Variants in CTCFL observed in about 807,000 individuals in gnomAD.
The protein encoded by CTCFL is transcriptional repressor CTCFL.
CTCFL carries 36 observed loss-of-function variants against 67.4 expected under a neutral mutation model. That is an observed-to-expected ratio of 0.53 (90% CI 0.41 to 0.71). The LOEUF is 0.71. CTCFL is among the 30% of genes least tolerant of loss of function. CTCFL has a pLI of 0.00. For missense variants in CTCFL, 786 were observed against 835.2 expected, an observed-to-expected ratio of 0.94 and a Z score of 0.73; for synonymous variants, 324 against 302.3, an observed-to-expected ratio of 1.07 and a Z score of -0.75.
rs141206026 is a variant in CTCFL at position 57,498,637 on chromosome 20, G to A, written c.1905C>T (p.Val635=). The stretch of plus-strand genomic sequence containing the variant: ...CTCTGGCTGTGGTTTCTCTGCAGGC[G>A]ACAGGAAACATCTCTCCTGGGAACT... ...GEQFPGEMFP[V]ACRETTARVK... is the part of the protein sequence containing the mutation. The change falls in exon 11 of 11, where the codon GTC becomes GTT. Residue 635 remains valine, a synonymous_variant. Coordinates refer to ENST00000243914, the MANE Select transcript of CTCFL (RefSeq NM_001386993.1). 18 of 1,614,092 alleles carry A rather than the reference G, an allele frequency of 1.1e-5. No individual in the cohort carries two copies. The East Asian group carries it at 2.9e-4, about 26-fold the overall frequency.
rs1050692286 is a variant in CTCFL, at chr20:57,498,490, C to T, written c.*60G>A. On this transcript the variant is annotated 3_prime_UTR_variant, in exon 11 of 11. Coordinates refer to ENST00000243914, the MANE Select transcript of CTCFL (RefSeq NM_001386993.1). ...TGAGGAGCATTTCACACCTTAAATG[C>T]TAAAAACTTCTAACTTGCTTTAGGA... 1.5e-5 allele frequency: 23 copies of T among 1,567,280 alleles called. 1 individual carries two copies. Among genetic ancestry groups the T allele is most frequent in the Non-Finnish European group, 1.9e-5 (22 of 1,153,596 alleles).
chr20:57,506,922 A>G, intron 9 of CTCFL: 1 of 985,434 alleles, frequency 1.0e-6, no homozygotes, highest in Non-Finnish European at 1.2e-6. Context: ...TTCCAGAACT[A>G]TCCCACTGTG....
At chr20:57,522,979 A>C in intron 3 of CTCFL, 89 bp downstream of exon 3, 1 of 1,010,166 alleles carries the variant, frequency 9.9e-7, no homozygotes, top group Non-Finnish European at 1.5e-6. Flanking sequence ...AAAGTCAACC[A>C]CTTAAAACTT....
intron 8 of CTCFL, among the ~76,000 whole-genome samples, chr20:57,510,687 C>T (rs915449955): frequency 1.3e-5 from 2 of 152,076 alleles, no homozygotes; most frequent in Non-Finnish European, 2.9e-5. Flanking sequence ...CATGGTGAAA[C>T]CCCATCTCTA....
At chr20:57,510,359 T>C (rs1010812654) in intron 8 of CTCFL, among the ~76,000 whole-genome samples, 2 of 152,220 alleles carry the variant, frequency 1.3e-5, no homozygotes, top group Non-Finnish European at 2.9e-5. Flanking sequence ...TATTAACTCA[T>C]TTAAAAATAA....
intron 8 of CTCFL, among the ~76,000 whole-genome samples, chr20:57,511,759 T>C (rs906919462): frequency 1.4e-4 from 22 of 152,014 alleles, no homozygotes; most frequent in African/African-American, 4.1e-4. Flanking sequence ...GCCCAACTAA[T>C]TTTTGTATTT....
chr20:57,519,036 A>C, intron 4 of CTCFL, 145 bp from the exon 5 acceptor site: 1 of 1,182,774 alleles, frequency 8.5e-7, no homozygotes. Context: ...CCACAGATGC[A>C]TGTGAGAAAA....
chr20:57,512,869 C>A, intron 7 of CTCFL, 117 bp from the exon 8 acceptor site: 1 of 925,942 alleles, frequency 1.1e-6, no homozygotes, highest in Non-Finnish European at 1.6e-6. Context: ...TAGTTCCTTC[C>A]TGGGCAGGGC....
intron 9 of CTCFL, among the ~76,000 whole-genome samples, chr20:57,508,116 T>C (rs1431122047): frequency 1.3e-5 from 2 of 152,020 alleles, no homozygotes; most frequent in Non-Finnish European, 2.9e-5. Context: ...CTAATTTTTT[T>C]GGAGGGATGG....
intron 1 of CTCFL, 167 bp from the exon 2 acceptor site, chr20:57,524,383 T>C (rs1366369651): frequency 1.4e-6 from 2 of 1,440,376 alleles, no homozygotes; most frequent in Non-Finnish European, 1.8e-6. Context: ...GGCTTGGGTC[T>C]AGGAGGGGGT....
downstream of CTCFL, chr20:57,496,093 GA>G (rs1458179470): frequency 3.5e-5 from 14 of 400,722 alleles, no homozygotes; most frequent in Non-Finnish European, 6.2e-5. Context: ...CCCAGTGTTG[GA>G]GGTGGGGCCT....
chr20:57,514,277 T>C (rs970277494), intron 7 of CTCFL, among the ~76,000 whole-genome samples: 1 of 152,218 alleles, frequency 6.6e-6, no homozygotes, highest in African/African-American at 2.4e-5. Flanking sequence ...GGTTACTCTA[T>C]GTCTCTGATC....
In CTCFL at chr20:57,498,559, C is replaced by T; in HGVS notation, c.1983G>A (p.Met661Ile). ...GVTCEMLLNT[M>I]DK ...GCAACCCGAATCCCTCTCACTTATC[C>T]ATCGTGTTGAGGAGCATTTCACAGG... Residue 661 changes from methionine to isoleucine, a missense_variant, in exon 11 of 11, where the codon ATG becomes ATA. By Grantham distance (10) the Met-to-Ile change is conservative. Transcript: ENST00000243914. The T allele has an allele frequency of 6.2e-7, 1 of 1,612,782 alleles. No individual in the cohort carries two copies. Among genetic ancestry groups the T allele is most frequent in the Non-Finnish European group, 8.5e-7 (1 of 1,179,452 alleles).
chr20:57,519,834 A>G (rs935815646), intron 3 of CTCFL, among the ~76,000 whole-genome samples: 1 of 152,062 alleles, frequency 6.6e-6, no homozygotes, highest in Admixed American at 6.6e-5. Flanking sequence ...TGCAAGAAAA[A>G]CCATCTAGAA....
chr20:57,519,335 G>T lies in CTCFL; in HGVS notation c.797C>A (p.Ser266Tyr). 1.2e-6 allele frequency: 2 copies of T among 1,614,166 alleles called. No individual in the cohort carries two copies. Among genetic ancestry groups the T allele is most frequent in the Non-Finnish European group, 1.7e-6 (2 of 1,180,022 alleles). The change falls in exon 4 of 11, where the codon TCT becomes TAT. Residue 266 changes from serine (S) to tyrosine (Y), a missense_variant. Around this residue, in one of 3 missense-constraint regions of CTCFL, gnomAD observed 254 missense variants for 333.9 expected, o/e 0.76. Coordinates refer to ENST00000243914, the MANE Select transcript of CTCFL (RefSeq NM_001386993.1). ...ACGATTAAAACTTGACATTCTAGAA[G>T]AGGTGAACATGCAGACATCACAGTG... ...TFHCDVCMFT[S>Y]SRMSSFNRHM...
In CTCFL at chr20:57,514,619, T is replaced by G; in HGVS notation, c.1303A>C (p.Thr435Pro). Residue 435 changes from threonine (T) to proline (P), a missense_variant, in exon 7 of 11, where the codon ACC becomes CCC. Around this residue, in one of 3 missense-constraint regions of CTCFL, gnomAD observed 254 missense variants for 333.9 expected, o/e 0.76. Transcript: ENST00000243914. ...VPKYQCPHCATIIARKSDLRV... is the reference protein window; with the variant it reads ...VPKYQCPHCAPIIARKSDLRV... The stretch of plus-strand genomic sequence containing the variant: ...AGGTCGCTTTTCCGTGCAATGATGG[T>G]GGCACAATGGGGACACTGGTATTTG... 6.2e-7 allele frequency: 1 copy of G among 1,614,184 alleles called. No individual in the cohort carries two copies. The highest frequency in any genetic ancestry group is 8.5e-7 in the Non-Finnish European group (1 of 1,180,012).
chr20:57,503,461 T>A lies in CTCFL; in HGVS notation c.1815A>T (p.Gly605=), dbSNP rs1311428620. 6.2e-7 allele frequency: 1 copy of A among 1,614,212 alleles called. No homozygotes were observed. Among genetic ancestry groups the A allele is most frequent in the Non-Finnish European group, 8.5e-7 (1 of 1,180,030 alleles). The change falls in exon 10 of 11, where the codon GGA becomes GGT. Residue 605 remains glycine, a synonymous_variant. Coordinates refer to ENST00000243914, the MANE Select transcript of CTCFL (RefSeq NM_001386993.1). ...ATKGQKEAAK[G]WKEAANGDEA... ...CGTCTCCGTTCGCGGCTTCCTTCCA[T>A]CCCTTCGCAGCTTCCTTCTGACCCT... is the stretch of plus-strand genomic sequence containing the variant.
At chr20:57,514,962 T>C (rs957313009) in intron 6 of CTCFL, 1 of 558,736 alleles carries the variant, frequency 1.8e-6, no homozygotes, top group Non-Finnish European at 3.2e-6. Flanking sequence ...TCCCCGCATC[T>C]GGTGGCTACG....
At position 57,524,128 on chromosome 20, in the gene CTCFL, G is replaced by A; in HGVS notation, c.78C>T (p.Gly26=). 4 of 1,613,438 alleles carry A rather than the reference G, an allele frequency of 2.5e-6. No homozygotes were observed. Among genetic ancestry groups the A allele is most frequent in the Non-Finnish European group, 3.4e-6 (4 of 1,179,944 alleles). The part of the protein sequence containing the change: ...IKELELMPEK[G]LKEEEKDGVC... ...CTCCGTCTTTTTCCTCCTCCTTCAG[G>A]CCTTTTTCCGGCATCAACTCGAGTT... Residue 26 remains glycine (G), a synonymous_variant, in exon 2 of 11, where the codon GGC becomes GGT. Coordinates refer to ENST00000243914, the MANE Select transcript of CTCFL (RefSeq NM_001386993.1).
Sources: allele counts gnomAD v4.1 joint callset (sites outside exome capture counted in the v4.1 genomes callset), GRCh38; gene constraint gnomAD v4.1.1; regional missense constraint gnomAD v4.1.1; transcripts MANE v1.5; gene names NCBI Gene and HGNC (gene_info 2026-07-23, HGNC 2026-07-21).